Variants in TNPO3 observed in about 807,000 individuals in gnomAD.
The protein encoded by TNPO3 is transportin-3.
Under a neutral mutation model 122.8 loss-of-function variants are expected in TNPO3, and 65 were observed. The ratio of observed to expected loss-of-function variants is 0.53; its 90% CI spans 0.43 to 0.65. The LOEUF (loss-of-function observed/expected upper bound fraction) is 0.65, where lower values mean the gene tolerates loss of function less well. TNPO3 is among the 30% of genes least tolerant of loss of function. TNPO3 has a pLI of 0.00. For missense variants in TNPO3, 850 were observed against 1,136.7 expected (o/e 0.75, Z 3.63); for synonymous variants, 372 against 411.2 (o/e 0.90, Z 1.15).
rs755107236 is a variant in TNPO3, at chr7:128,983,496, C to T, written c.1782+672G>A. 1.4e-3 allele frequency among the ~76,000 whole-genome samples: 207 copies of T among 152,156 alleles called. 1 individual carries two copies. Among genetic ancestry groups the T allele is most frequent in the Non-Finnish European group, 2.8e-3 (188 of 68,040 alleles). ...GGGATTACTGGCATGAGCCACGACA[C>T]CCGGCTGATCAAAGACTCCTTTACC... On this transcript the variant is annotated intron_variant, in intron 13 of 22. Coordinates refer to ENST00000265388, the MANE Select transcript of TNPO3 (RefSeq NM_012470.4).
chr7:128,997,282 G>A (rs1801434991), intron 8 of TNPO3, 107 bp downstream of exon 8: 4 of 1,268,040 alleles, frequency 3.2e-6, no homozygotes, highest in Non-Finnish European at 3.3e-6. Context: ...ACAGGCATGA[G>A]CCAGGGTGCC....
In TNPO3 at chr7:128,979,997, G is replaced by A. The variant is rs772373745; in HGVS notation, c.1894C>T (p.His632Tyr). 6.2e-7 allele frequency: 1 copy of A among 1,614,122 alleles called. No homozygotes were observed. Among genetic ancestry groups the A allele is most frequent in the Non-Finnish European group, 8.5e-7 (1 of 1,179,998 alleles). Reference protein sequence around the residue: ...TNPIVENGQTHPCQKVIQEIW... With the variant: ...TNPIVENGQTYPCQKVIQEIW... Reference sequence around the variant, plus strand: ...TCCTGTATGACTTTCTGACACGGATGAGTCTGTCCATTTTCCACAATGGGA... The same window carrying A: ...TCCTGTATGACTTTCTGACACGGATAAGTCTGTCCATTTTCCACAATGGGA... The change falls in exon 15 of 23, where the codon CAT (histidine) becomes TAT (tyrosine). Residue 632 changes from histidine to tyrosine, a missense_variant. His to Tyr is a moderately conservative substitution (Grantham distance 83). Transcript: ENST00000265388.
rs190770040 is a variant in TNPO3, at chr7:128,979,399, G to A, written c.1921-276C>T. Among the ~76,000 whole-genome samples the A allele has an allele frequency of 3.3e-4, 51 of 152,258 alleles. 2 individuals carry two copies. The East Asian group carries it at 8.5e-3, about 25-fold the overall frequency. On this transcript the variant is annotated intron_variant, in intron 15 of 22. Transcript: ENST00000265388. ...CAATTTCCTAAACTTCAGACTTCCC[G>A]AAAGGCTATGAAAAGAATTGGTACG...
intron 1 of TNPO3, chr7:129,028,982 G>A (rs376605272): frequency 2.3e-6 from 1 of 441,502 alleles, no homozygotes; most frequent in Non-Finnish European, 4.4e-6. Context: ...AAAAATTAAT[G>A]AATTTTCTTC....
At chr7:128,958,671 T>C (rs1386088382) in intron 21 of TNPO3, among the ~76,000 whole-genome samples, 2 of 152,212 alleles carry the variant, frequency 1.3e-5, no homozygotes, top group Non-Finnish European at 1.5e-5. Flanking sequence ...CATTGTAAGT[T>C]CTGAAACATC....
intron 14 of TNPO3, among the ~76,000 whole-genome samples, chr7:128,980,838 T>C (rs535444179): frequency 2.8e-4 from 42 of 152,334 alleles, no homozygotes; most frequent in Non-Finnish European, 4.0e-4. Context: ...ATTCCTTGCA[T>C]TAAAAGACTA....
chr7:128,992,779 C>T (rs968267697), intron 9 of TNPO3, among the ~76,000 whole-genome samples: 4 of 104,400 alleles, frequency 3.8e-5, no homozygotes, highest in Non-Finnish European at 8.5e-5. Context: ...TATACCATTT[C>T]CTAATTTTAA....
At chr7:128,977,577 A>C (rs1177373252) in intron 16 of TNPO3, among the ~76,000 whole-genome samples, 1 of 147,432 alleles carries the variant, frequency 6.8e-6, no homozygotes, top group Non-Finnish European at 1.5e-5. Flanking sequence ...TTAAGGGGGA[A>C]CTCATTCTTT....
chr7:129,016,676 A>G (rs958069473), intron 3 of TNPO3, among the ~76,000 whole-genome samples: 1 of 152,252 alleles, frequency 6.6e-6, no homozygotes, highest in African/African-American at 2.4e-5. Context: ...CTTAAATTCT[A>G]TATTTTTACA....
In TNPO3 at chr7:128,986,900, T is replaced by A; in HGVS notation, c.1519A>T (p.Met507Leu). 2 of 1,612,904 alleles carry A rather than the reference T, an allele frequency of 1.2e-6. No homozygotes were observed. The highest frequency in any genetic ancestry group is 8.5e-7 in the Non-Finnish European group (1 of 1,179,718). The change falls in exon 12 of 23, where the codon ATG becomes TTG. Residue 507 changes from methionine to leucine, a missense_variant. Physicochemically the swap from Met to Leu is conservative, Grantham distance 15. Coordinates refer to ENST00000265388, the MANE Select transcript of TNPO3 (RefSeq NM_012470.4). ...AGGGGCTTTTCACACAGGCCTTTCA[T>A]CAAATAGCCCAACACAGGGTCTAAG... The part of the protein sequence containing the change: ...QFLDPVLGYL[M>L]KGLCEKPLAS...
chr7:129,003,062 AAAT>A, intron 5 of TNPO3, among the ~76,000 whole-genome samples: 2 of 146,302 alleles, frequency 1.4e-5, no homozygotes, highest in Non-Finnish European at 3.0e-5. Context: ...AAAAAAAAAA[AAAT>A]ACAAAAAATT....
chr7:128,979,292 A>G (rs528480816), intron 15 of TNPO3, among the ~76,000 whole-genome samples, 169 bp from the exon 16 acceptor site: 1 of 152,338 alleles, frequency 6.6e-6, no homozygotes, highest in African/African-American at 2.4e-5. Context: ...CCCACCACAA[A>G]ACCCTATCAC....
chr7:129,038,127 G>C (rs1409311375), intron 1 of TNPO3, among the ~76,000 whole-genome samples: 1 of 152,068 alleles, frequency 6.6e-6, no homozygotes, highest in African/African-American at 2.4e-5. Flanking sequence ...AGAGAAAAAG[G>C]ACACATTAAA....
intron 22 of TNPO3, among the ~76,000 whole-genome samples, chr7:128,955,695 G>A (rs1409896226): frequency 6.6e-6 from 1 of 152,134 alleles, no homozygotes; most frequent in Non-Finnish European, 1.5e-5. Context: ...AAGCAACCAG[G>A]GAAGCTTTGC....
chr7:128,982,957 G>A (rs1025216460), intron 13 of TNPO3, among the ~76,000 whole-genome samples: 1 of 152,160 alleles, frequency 6.6e-6, no homozygotes, highest in African/African-American at 2.4e-5. Flanking sequence ...TAACTTGAAT[G>A]AATTCTTTTC....
intron 1 of TNPO3, among the ~76,000 whole-genome samples, chr7:129,044,165 T>C (rs560203594): frequency 4.6e-5 from 7 of 152,362 alleles, no homozygotes; most frequent in African/African-American, 1.4e-4. Flanking sequence ...CGACCTCAAG[T>C]GATCTGCCTG....
At chr7:128,973,780 GC>G (rs1317216777) in intron 18 of TNPO3, among the ~76,000 whole-genome samples, 14 of 56,616 alleles carry the variant, frequency 2.5e-4, no homozygotes, top group Non-Finnish European at 2.7e-4. Flanking sequence ...GAGGGTGACA[GC>G]CCATCCAACA....
intron 11 of TNPO3, among the ~76,000 whole-genome samples, chr7:128,987,330 G>A (rs1436046322): frequency 6.6e-6 from 1 of 152,168 alleles, no homozygotes; most frequent in Non-Finnish European, 1.5e-5. Context: ...TATGAATCAG[G>A]ACAAGGATAG....
intron 21 of TNPO3, 73 bp downstream of exon 21, chr7:128,967,207 A>G (rs1798004946): frequency 9.9e-7 from 1 of 1,006,540 alleles, no homozygotes; most frequent in Non-Finnish European, 1.5e-6. Context: ...CCATTTCCCA[A>G]GGGCACATAA....
Sources: allele counts gnomAD v4.1 joint callset (sites outside exome capture counted in the v4.1 genomes callset), GRCh38; gene constraint gnomAD v4.1.1; transcripts MANE v1.5; gene names NCBI Gene and HGNC (gene_info 2026-07-23, HGNC 2026-07-21).